Variants in PANK2 observed in about 807,000 individuals in gnomAD.
PANK2 encodes the protein pantothenate kinase 2, mitochondrial.
In PANK2, 36 loss-of-function variants were observed where a neutral mutation model predicts 43.1. The ratio of observed to expected loss-of-function variants is 0.84; its 90% CI spans 0.64 to 1.10. PANK2 has a LOEUF of 1.10. PANK2 is among the 50% of genes least tolerant of loss of function. The pLI is 0.00. For missense variants in PANK2, 576 were observed against 593.3 expected, an observed-to-expected ratio of 0.97 and a Z score of 0.30; for synonymous variants, 281 against 238.2, an observed-to-expected ratio of 1.18 and a Z score of -1.66.
intron 1 of PANK2, among the ~76,000 whole-genome samples, chr20:3,895,702 CTG>C (rs2090196528): frequency 6.6e-6 from 1 of 152,074 alleles, no homozygotes; most frequent in Admixed American, 6.6e-5. Context: ...GTAAGACTGA[CTG>C]GGATGTGAAA....
intron 1 of PANK2, among the ~76,000 whole-genome samples, chr20:3,894,758 A>C (rs994899787): frequency 5.9e-5 from 9 of 152,040 alleles, no homozygotes; most frequent in African/African-American, 1.9e-4. Flanking sequence ...TATCAACTTT[A>C]AGTGGAACCA....
rs759850213 is a variant in PANK2 at position 3,889,607 on chromosome 20, C to G, written c.177C>G (p.Ser59Arg). 3.3e-6 allele frequency: 5 copies of G among 1,527,876 alleles called. No individual in the cohort carries two copies. Among genetic ancestry groups the G allele is most frequent in the Non-Finnish European group, 4.4e-6 (5 of 1,145,890 alleles). 94.6% of individuals were successfully genotyped at this position (1,527,876 alleles called of 1,614,324 possible). A position where few individuals can be genotyped will look rare whatever the true frequency, so the allele number is the denominator to read the frequency against. Reference sequence around the variant, plus strand: ...AGCCACTGCGGCGCCGGGCGAGCAGCGCGTCGGTGCCCGCGGTCGGGGCCT... The same window carrying G: ...AGCCACTGCGGCGCCGGGCGAGCAGGGCGTCGGTGCCCGCGGTCGGGGCCT... Residue 59 changes from serine to arginine, a missense_variant, in exon 1 of 7, where the codon AGC becomes AGG. Ser to Arg is a moderately radical substitution (Grantham distance 110). Coordinates refer to ENST00000610179, the MANE Select transcript of PANK2 (RefSeq NM_001386393.1).
rs564108389 is a variant in PANK2 at position 3,895,371 on chromosome 20, A to AGGAGGATTGCTTGAGCCC, written c.298+5665_298+5682dup. Among the ~76,000 whole-genome samples the AGGAGGATTGCTTGAGCCC allele has an allele frequency of 3.3e-5, 5 of 152,052 alleles. 1 individual carries two copies. The South Asian group carries it at 6.2e-4, about 19-fold the overall frequency. On this transcript the variant is annotated intron_variant, in intron 1 of 6. Coordinates refer to ENST00000610179, the MANE Select transcript of PANK2 (RefSeq NM_001386393.1). ...TCCCAGCTACTTGGGAGGCTGAGAC[A>AGGAGGATTGCTTGAGCCC]GGAGGATTGCTTGAGCCCGGAGGAT...
At chr20:3,903,810 G>A (rs1010597358) in intron 1 of PANK2, among the ~76,000 whole-genome samples, 6 of 151,808 alleles carry the variant, frequency 4.0e-5, no homozygotes, top group Non-Finnish European at 8.8e-5. Context: ...TTTATTTTTA[G>A]TAGAGACGTG....
chr20:3,914,284 G>A (rs1268926658), intron 4 of PANK2, among the ~76,000 whole-genome samples: 3 of 151,994 alleles, frequency 2.0e-5, no homozygotes, highest in African/African-American at 4.8e-5. Flanking sequence ...CTTGGTTTTA[G>A]TTGTCTTAAT....
In PANK2 at chr20:3,910,620, T is replaced by C. The variant is rs2090453873; in HGVS notation, c.695T>C (p.Leu232Ser). The C allele has an allele frequency of 6.2e-7, 1 of 1,614,020 alleles. No individual in the cohort carries two copies. Among genetic ancestry groups the C allele is most frequent in the Admixed American group, 1.7e-5 (1 of 59,988 alleles). ...TGCAAACTGGATGAACTAGATTGCT[T>C]GATCAAAGGAATTTTATACATTGAC... Residue 232 changes from leucine (L) to serine (S), a missense_variant, in exon 3 of 7, where the codon TTG becomes TCG. Physicochemically the swap from Leu to Ser is moderately radical, Grantham distance 145 (BLOSUM62 -2). Transcript: ENST00000610179.
chr20:3,900,232 C>T (rs1465156274), intron 1 of PANK2, among the ~76,000 whole-genome samples: 3 of 151,728 alleles, frequency 2.0e-5, no homozygotes, highest in Admixed American at 1.3e-4. Context: ...CCAGTGTTTC[C>T]GTCAGTAACT....
chr20:3,916,922 C>T lies in PANK2; in HGVS notation c.1083-5C>T. 2 of 1,613,942 alleles carry T rather than the reference C, an allele frequency of 1.2e-6. No individual in the cohort carries two copies. The highest frequency in any genetic ancestry group is 1.1e-5 in the South Asian group (1 of 91,080). On this transcript the variant is annotated splice_region_variant and splice_polypyrimidine_tract_variant and intron_variant, in intron 4 of 6. Coordinates refer to ENST00000610179, the MANE Select transcript of PANK2 (RefSeq NM_001386393.1). ...AGCAATGGGATTTTTTTTCCCCCAT[C>T]ACAGCTTTGGAAACATGATGAGCAA...
chr20:3,923,280 T>C lies in PANK2; in HGVS notation c.1369T>C (p.Leu457=), dbSNP rs2090675118. The C allele has an allele frequency of 1.2e-6, 2 of 1,614,204 alleles. No homozygotes were observed. The highest frequency in any genetic ancestry group is 4.5e-5 in the East Asian group (2 of 44,886). Residue 457 remains leucine (L), a synonymous_variant, in exon 7 of 7, where the codon TTG becomes CTG. Coordinates refer to ENST00000610179, the MANE Select transcript of PANK2 (RefSeq NM_001386393.1). ...AGCTGTTGGAGCACTCCTTGAGCTGTTGAAGATCCCGTGATCATTACCTGG... is the reference window on the plus strand; with the variant it reads ...AGCTGTTGGAGCACTCCTTGAGCTGCTGAAGATCCCGTGATCATTACCTGG...
upstream of PANK2, chr20:3,889,146 C>T (rs1483678197): frequency 1.3e-6 from 2 of 1,577,588 alleles, no homozygotes; most frequent in East Asian, 2.3e-5. Flanking sequence ...TTGGGCGGCG[C>T]CGCCATCACT....
At chr20:3,920,833 G>GA (rs1454851826) in intron 6 of PANK2, among the ~76,000 whole-genome samples, 4 of 152,186 alleles carry the variant, frequency 2.6e-5, no homozygotes, top group Non-Finnish European at 5.9e-5. Flanking sequence ...CAACAAGAGC[G>GA]AAACTCCATC....
chr20:3,910,444 A>G (rs1200673787), intron 2 of PANK2, 133 bp from the exon 3 acceptor site: 2 of 1,026,108 alleles, frequency 1.9e-6, no homozygotes, highest in East Asian at 4.9e-5. Flanking sequence ...TGTTCTGTAA[A>G]GCATGCACAA....
rs1010018308 is a variant in PANK2 at position 3,929,517 on chromosome 20, T to C, written c.*6223T>C. ...TAGCTAAGATGTCTGCCCCACAAAA[T>C]AGAAGCCTTCAGTTGCTGCTGCTCA... On this transcript the variant is annotated 3_prime_UTR_variant, in exon 7 of 7. Coordinates refer to ENST00000610179, the MANE Select transcript of PANK2 (RefSeq NM_001386393.1). 7.9e-5 allele frequency: 12 copies of C among 152,374 alleles called. No homozygotes were observed. Among genetic ancestry groups the C allele is most frequent in the East Asian group, 1.9e-4 (1 of 5,204 alleles). The allele number at this position is 152,374 out of a possible 1,614,324, so 9.4% of individuals were successfully genotyped here.
intron 1 of PANK2, among the ~76,000 whole-genome samples, chr20:3,901,092 C>G (rs190529822): frequency 4.6e-4 from 70 of 151,970 alleles, no homozygotes; most frequent in African/African-American, 1.7e-3. Flanking sequence ...TAGGATCTTG[C>G]TCTGCTGCCA....
At chr20:3,897,019 C>T (rs553170403) in intron 1 of PANK2, among the ~76,000 whole-genome samples, 3 of 152,230 alleles carry the variant, frequency 2.0e-5, no homozygotes, top group African/African-American at 7.2e-5. Flanking sequence ...ACTTAGCCCT[C>T]GACCTGTGGC....
At chr20:3,893,165 G>C (rs2090151318) in intron 1 of PANK2, among the ~76,000 whole-genome samples, 1 of 152,112 alleles carries the variant, frequency 6.6e-6, no homozygotes, top group Non-Finnish European at 1.5e-5. Flanking sequence ...GAGAAAACAG[G>C]CTCAGTGAAA....
At chr20:3,889,771 C>A (rs553092160) in intron 1 of PANK2, 43 bp downstream of exon 1, 19 of 1,575,008 alleles carry the variant, frequency 1.2e-5, no homozygotes, top group Admixed American at 1.7e-5. Context: ...CCCTGCCCCC[C>A]CTTCCGGCCC....
intron 6 of PANK2, among the ~76,000 whole-genome samples, chr20:3,920,352 C>T (rs1423638867): frequency 6.6e-6 from 1 of 151,654 alleles, no homozygotes; most frequent in Non-Finnish European, 1.5e-5. Flanking sequence ...CCTGTCTCTA[C>T]TAAAAATACA....
Position 3,923,268 on chromosome 20 carries a change from C to T in PANK2, c.1357C>T (p.Leu453Phe), listed in dbSNP as rs905986782. ...GGGTTATTTTGGAGCTGTTGGAGCACTCCTTGAGCTGTTGAAGATCCCGTG... is the reference window on the plus strand; with the variant it reads ...GGGTTATTTTGGAGCTGTTGGAGCATTCCTTGAGCTGTTGAAGATCCCGTG... Residue 453 changes from leucine (L) to phenylalanine (F), a missense_variant, in exon 7 of 7, where the codon CTC (leucine) becomes TTC (phenylalanine). Leu to Phe is a conservative substitution (Grantham distance 22). Coordinates refer to ENST00000610179, the MANE Select transcript of PANK2 (RefSeq NM_001386393.1). The T allele has an allele frequency of 1.2e-6, 2 of 1,614,188 alleles. No individual in the cohort carries two copies. The highest frequency in any genetic ancestry group is 2.2e-5 in the East Asian group (1 of 44,884).
Sources: gnomAD v4.1 joint callset for allele counts (sites outside exome capture counted in the v4.1 genomes callset) on GRCh38, gnomAD v4.1.1 for gene constraint, MANE v1.5 for transcripts, NCBI Gene and HGNC (gene_info 2026-07-23, HGNC 2026-07-21) for gene names.